Variants in DSCAM observed in about 807,000 individuals in gnomAD.
DSCAM encodes cell adhesion molecule DSCAM.
A neutral mutation model predicts 217.7 loss-of-function variants in DSCAM; 47 were observed. The observed-to-expected ratio is 0.22, with a 90% CI of 0.17 to 0.28. The LOEUF (loss-of-function observed/expected upper bound fraction) is 0.28, where lower values mean the gene tolerates loss of function less well. DSCAM is among the 10% of genes least tolerant of loss of function. The probability of loss-of-function intolerance (pLI) is 1.00; values close to 1 mark genes in which losing one functional copy is unlikely to be tolerated. For missense variants in DSCAM, 2,080 were observed against 2,618.3 expected (o/e 0.79, Z 4.49); for synonymous variants, 1,056 against 1,015.3 (o/e 1.04, Z -0.76).
At chr21:40,167,156 C>A in intron 16 of DSCAM, 62 bp downstream of exon 16, 1 of 1,475,798 alleles carries the variant, frequency 6.8e-7, no homozygotes, top group Non-Finnish European at 9.4e-7. Context: ...TAACACTGAA[C>A]AGGAGTGAAG....
chr21:40,013,236 A>G lies in DSCAM; in HGVS notation c.5837T>C (p.Ile1946Thr). The change falls in exon 33 of 33, where the codon ATC becomes ACC. Residue 1946 changes from isoleucine to threonine, a missense_variant. By Grantham distance (89) the Ile-to-Thr change is moderately conservative (BLOSUM62 -1). Transcript: ENST00000400454. ...GGCGGAGGAGGCGGCTTCCATCGGG[A>G]TGGGCTCCAGGACCGTGGGGCGCTT... ...TLKRPTVLEP[I>T]PMEAASSASS... is the part of the protein sequence containing the mutation. 4.3e-6 allele frequency: 7 copies of G among 1,613,822 alleles called. No homozygotes were observed. The highest frequency in any genetic ancestry group is 5.1e-6 in the Non-Finnish European group (6 of 1,179,902).
chr21:40,294,883 G>C (rs1047631747), intron 10 of DSCAM, among the ~76,000 whole-genome samples: 3 of 151,730 alleles, frequency 2.0e-5, no homozygotes, highest in Non-Finnish European at 4.4e-5. Context: ...AGTGGATGTG[G>C]TGTGTGGTGT....
chr21:40,484,046 G>A (rs1183970390), intron 3 of DSCAM, among the ~76,000 whole-genome samples: 1 of 152,156 alleles, frequency 6.6e-6, no homozygotes, highest in Non-Finnish European at 1.5e-5. Context: ...GTAGGTCCTC[G>A]GCAACAAAAG....
intron 11 of DSCAM, among the ~76,000 whole-genome samples, chr21:40,257,327 GTTGTA>G (rs892524105): frequency 1.3e-5 from 2 of 151,960 alleles, no homozygotes; most frequent in Non-Finnish European, 2.9e-5. Flanking sequence ...CCAAATAGTT[GTTGTA>G]TTGTACTGTG....
At chr21:40,586,784 T>TA (rs936073067) in intron 3 of DSCAM, among the ~76,000 whole-genome samples, 4 of 152,206 alleles carry the variant, frequency 2.6e-5, no homozygotes, top group African/African-American at 9.7e-5. Flanking sequence ...TGTCAATACT[T>TA]ACGCAATCCT....
chr21:40,079,443 G>C (rs551163940), intron 25 of DSCAM, among the ~76,000 whole-genome samples: 1 of 152,084 alleles, frequency 6.6e-6, no homozygotes, highest in East Asian at 1.9e-4. Flanking sequence ...ATCAATCCCC[G>C]ATCATTTGAC....
intron 20 of DSCAM, among the ~76,000 whole-genome samples, chr21:40,112,566 C>G (rs2089912795): frequency 6.6e-6 from 1 of 152,022 alleles, no homozygotes; most frequent in South Asian, 2.1e-4. Flanking sequence ...TAGCTAAGAT[C>G]AGAGCAGAAC....
intron 3 of DSCAM, among the ~76,000 whole-genome samples, chr21:40,502,372 T>C (rs1404560128): frequency 1.3e-5 from 2 of 152,158 alleles, no homozygotes; most frequent in African/African-American, 2.4e-5. Context: ...TAGTTTACTA[T>C]TGCTGCTGTA....
intron 1 of DSCAM, among the ~76,000 whole-genome samples, chr21:40,726,413 AAAGAT>A (rs1255265015): frequency 6.6e-6 from 1 of 152,166 alleles, no homozygotes; most frequent in African/African-American, 2.4e-5. Context: ...TAAAATAGAA[AAAGAT>A]AAGAAAAGAG....
At chr21:40,180,999 T>G (rs745331416) in intron 14 of DSCAM, among the ~76,000 whole-genome samples, 1 of 152,138 alleles carries the variant, frequency 6.6e-6, no homozygotes, top group Non-Finnish European at 1.5e-5. Flanking sequence ...TCCTCTCTGA[T>G]GCTGCGTTTG....
At chr21:40,018,216 T>G (rs1484070519) in intron 32 of DSCAM, among the ~76,000 whole-genome samples, 1 of 152,246 alleles carries the variant, frequency 6.6e-6, no homozygotes, top group Non-Finnish European at 1.5e-5. Context: ...CATCCTTTTG[T>G]ATGTGAATCA....
chr21:40,037,535 G>T (rs1371836770), intron 32 of DSCAM, among the ~76,000 whole-genome samples: 2 of 147,888 alleles, frequency 1.4e-5, no homozygotes, highest in African/African-American at 5.3e-5. Context: ...ACAAATGGAA[G>T]AACATTCTAT....
intron 3 of DSCAM, among the ~76,000 whole-genome samples, chr21:40,462,244 G>C (rs2075811838): frequency 6.6e-6 from 1 of 152,168 alleles, no homozygotes; most frequent in Admixed American, 6.5e-5. Context: ...ACTTCTATTA[G>C]AGCCTGGTAC....
At chr21:40,776,110 C>G (rs1033573629) in intron 1 of DSCAM, among the ~76,000 whole-genome samples, 11 of 151,914 alleles carry the variant, frequency 7.2e-5, no homozygotes, top group African/African-American at 2.7e-4. Context: ...GTTATTATTG[C>G]TTATTTTATT....
intron 27 of DSCAM, among the ~76,000 whole-genome samples, chr21:40,064,116 GTA>G (rs35690892): frequency 0.19 from 28,187 of 148,994 alleles, 3,195 homozygotes; most frequent in East Asian, 0.38. Context: ...CACTTACAAA[GTA>G]TATATATATA....
intron 3 of DSCAM, among the ~76,000 whole-genome samples, chr21:40,401,543 G>A (rs895380201): frequency 2.0e-5 from 3 of 152,240 alleles, no homozygotes; most frequent in Admixed American, 2.0e-4. Flanking sequence ...CAAAGAAAGT[G>A]AATGATATCT....
At chr21:40,322,265 C>T (rs1160854510) in intron 8 of DSCAM, among the ~76,000 whole-genome samples, 2 of 152,058 alleles carry the variant, frequency 1.3e-5, no homozygotes, top group Non-Finnish European at 2.9e-5. Context: ...CCACAGACCC[C>T]AACACCTTGC....
chr21:40,191,935 A>G (rs2090956531), intron 11 of DSCAM, among the ~76,000 whole-genome samples: 1 of 152,224 alleles, frequency 6.6e-6, no homozygotes, highest in Non-Finnish European at 1.5e-5. Flanking sequence ...CTAATGCAGT[A>G]TGATCTCTTC....
intron 3 of DSCAM, among the ~76,000 whole-genome samples, chr21:40,457,722 T>C (rs552169848): frequency 6.6e-6 from 1 of 152,296 alleles, no homozygotes; most frequent in South Asian, 2.1e-4. Flanking sequence ...TAAAATATGA[T>C]ATTTACAATG....
Sources: gnomAD v4.1 joint callset for allele counts (sites outside exome capture counted in the v4.1 genomes callset) on GRCh38, gnomAD v4.1.1 for gene constraint, MANE v1.5 for transcripts, NCBI Gene and HGNC (gene_info 2026-07-23, HGNC 2026-07-21) for gene names.